Variants in PIEZO2 observed in about 807,000 individuals in gnomAD.
PIEZO2 encodes piezo-type mechanosensitive ion channel component 2.
A neutral mutation model predicts 337.3 loss-of-function variants in PIEZO2; 172 were observed. That is an observed-to-expected ratio of 0.51 (90% CI 0.45 to 0.58). PIEZO2 has a LOEUF of 0.58. PIEZO2 is among the 20% of genes least tolerant of loss of function. PIEZO2 has a pLI of 0.00. For synonymous variants in PIEZO2, 1,251 were observed against 1,228.5 expected, an observed-to-expected ratio of 1.02 and a Z score of -0.38; for missense variants, 3,028 against 3,391.3, an observed-to-expected ratio of 0.89 and a Z score of 2.66.
intron 3 of PIEZO2, among the ~76,000 whole-genome samples, chr18:10,925,338 C>T (rs1024295025): frequency 3.3e-5 from 5 of 152,104 alleles, no homozygotes; most frequent in African/African-American, 1.2e-4. Context: ...ATAAAACAGA[C>T]CCGCTAATTT....
At chr18:10,701,564 G>C (rs1444772897) in intron 43 of PIEZO2, among the ~76,000 whole-genome samples, 2 of 152,216 alleles carry the variant, frequency 1.3e-5, no homozygotes, top group African/African-American at 4.8e-5. Context: ...GGCAGAAGCT[G>C]GGATGGAGAT....
intron 27 of PIEZO2, among the ~76,000 whole-genome samples, chr18:10,756,592 A>G (rs1204205829): frequency 1.5e-5 from 2 of 136,884 alleles, no homozygotes; most frequent in African/African-American, 2.7e-5. Context: ...AGGATGAAAG[A>G]TGAGGAGGAG....
rs1405550353 is a variant in PIEZO2 at position 10,795,612 on chromosome 18, T to C, written c.1528-610A>G. On this transcript the variant is annotated intron_variant, in intron 12 of 55. Transcript: ENST00000674853. The surrounding 1 kb of genome is among the most constrained non-coding windows in gnomAD (Gnocchi z 4.4). ...AGCTGGCAATCCCCAAATTAGCCTC[T>C]TCAATTTTGTGGTGCTTTCTTTTTC... Among the ~76,000 whole-genome samples, 1 of 152,098 alleles carries C rather than the reference T, an allele frequency of 6.6e-6. No homozygotes were observed. The highest frequency in any genetic ancestry group is 1.5e-5 in the Non-Finnish European group (1 of 68,026).
intron 7 of PIEZO2, among the ~76,000 whole-genome samples, chr18:10,845,481 TTAA>T (rs944412959): frequency 1.3e-5 from 2 of 152,046 alleles, no homozygotes; most frequent in African/African-American, 4.8e-5. Context: ...ATGTAGCAGT[TTAA>T]TAATAATAAT....
chr18:10,742,918 T>C (rs1263708602), intron 31 of PIEZO2, among the ~76,000 whole-genome samples: 1 of 152,150 alleles, frequency 6.6e-6, no homozygotes, highest in Non-Finnish European at 1.5e-5. Flanking sequence ...CTATACTTGA[T>C]GTCCACTCAC....
rs150698199 is a variant in PIEZO2 at position 11,026,356 on chromosome 18, C to A, written c.160+39771G>T. The stretch of plus-strand genomic sequence containing the variant: ...TCTGCTGGCCTCTCTGCCTCGCCCC[C>A]ACCCTGCCTCAATCTCATCCACAGA... On this transcript the variant is annotated intron_variant, in intron 2 of 55. Coordinates refer to ENST00000674853, the MANE Select transcript of PIEZO2 (RefSeq NM_001378183.1). 5.3e-4 allele frequency among the ~76,000 whole-genome samples: 81 copies of A among 152,290 alleles called. No individual in the cohort carries two copies. The East Asian group carries it at 0.015, about 28-fold the overall frequency.
intron 1 of PIEZO2, among the ~76,000 whole-genome samples, chr18:11,142,020 C>T (rs2040664089): frequency 6.6e-6 from 1 of 152,144 alleles, no homozygotes; most frequent in Non-Finnish European, 1.5e-5. Context: ...ATATGTCCAT[C>T]CACAATATCC....
chr18:11,004,644 C>T (rs892726078), intron 2 of PIEZO2, among the ~76,000 whole-genome samples: 2 of 152,308 alleles, frequency 1.3e-5, no homozygotes, highest in Admixed American at 6.5e-5. Flanking sequence ...CTGTCAAAAT[C>T]AGAAGGGAGA....
At chr18:10,789,002 T>C in intron 15 of PIEZO2, 77 bp downstream of exon 15, 2 of 1,404,328 alleles carry the variant, frequency 1.4e-6, no homozygotes, top group South Asian at 3.0e-5. Flanking sequence ...TTCTAGTGAT[T>C]TAAAATCTCT....
chr18:10,700,449 C>T (rs1233030935), intron 43 of PIEZO2, among the ~76,000 whole-genome samples: 1 of 151,468 alleles, frequency 6.6e-6, no homozygotes, highest in Non-Finnish European at 1.5e-5. Context: ...ATGCCATTAC[C>T]TCAAATCTCA....
chr18:10,788,324 A>G (rs1214615066), intron 15 of PIEZO2, among the ~76,000 whole-genome samples: 1 of 151,474 alleles, frequency 6.6e-6, no homozygotes, highest in East Asian at 1.9e-4. Flanking sequence ...ATTCCTTGAA[A>G]CTGGGAGGCA....
intron 1 of PIEZO2, among the ~76,000 whole-genome samples, chr18:11,106,418 C>CTTTT (rs539595699): frequency 3.1e-5 from 4 of 129,598 alleles, no homozygotes; most frequent in Admixed American, 7.8e-5. Context: ...TTTCCTCTCT[C>CTTTT]TTTTTTTTTT....
intron 2 of PIEZO2, among the ~76,000 whole-genome samples, chr18:10,997,851 A>AT (rs1003069653): frequency 6.6e-6 from 1 of 151,992 alleles, no homozygotes; most frequent in Non-Finnish European, 1.5e-5. Flanking sequence ...TCAGAAAAAA[A>AT]TTTGGATAAT....
intron 3 of PIEZO2, among the ~76,000 whole-genome samples, chr18:10,963,269 GTGAGATGTTGTC>G (rs2033863475): frequency 6.6e-6 from 1 of 151,698 alleles, no homozygotes; most frequent in South Asian, 2.1e-4. Flanking sequence ...AGAGGACATG[GTGAGATGTTGTC>G]TCAAAAAAAA....
At chr18:10,869,430 A>G (rs2042086223) in intron 5 of PIEZO2, among the ~76,000 whole-genome samples, 1 of 152,202 alleles carries the variant, frequency 6.6e-6, no homozygotes, top group Admixed American at 6.6e-5. Flanking sequence ...ACAAACCTGC[A>G]CTTTCTGCGC....
rs530062408 is a variant in PIEZO2, at chr18:10,720,572, C to T, written c.5030-2313G>A. 9.4e-4 allele frequency among the ~76,000 whole-genome samples: 140 copies of T among 149,110 alleles called. 2 individuals carry two copies. The highest frequency in any genetic ancestry group is 1.6e-3 in the Non-Finnish European group (108 of 67,420). On this transcript the variant is annotated intron_variant, in intron 36 of 55. Transcript: ENST00000674853. ...TCCAGGGCCCAAGTGATCCTCCCTCCTCAGCCTCCCAAGTAGCTAGGACAA... is the reference window on the plus strand; with the variant it reads ...TCCAGGGCCCAAGTGATCCTCCCTCTTCAGCCTCCCAAGTAGCTAGGACAA...
rs2038382804 is a variant in PIEZO2 at position 10,766,892 on chromosome 18, A to G, written c.2946+3256T>C. Among the ~76,000 whole-genome samples the G allele has an allele frequency of 6.6e-6, 1 of 152,208 alleles. No individual in the cohort carries two copies. Among genetic ancestry groups the G allele is most frequent in the Admixed American group, 6.5e-5 (1 of 15,288 alleles). The stretch of plus-strand genomic sequence containing the variant: ...CTTAATAAAGGCTCAATGAATGCTT[A>G]GTGAGAGTGAAAATAATAACAATGA... On this transcript the variant is annotated intron_variant, in intron 21 of 55. Transcript: ENST00000674853. The surrounding 1 kb of genome is among the most constrained non-coding windows in gnomAD (Gnocchi z 6.1).
intron 39 of PIEZO2, chr18:10,709,328 A>G (rs1287908148): frequency 6.6e-6 from 1 of 152,272 alleles, no homozygotes; most frequent in Non-Finnish European, 1.5e-5. Context: ...GAGGAGGCAC[A>G]CAGAGGTGTG....
At position 10,795,458 on chromosome 18, in the gene PIEZO2, A is replaced by G. The variant is rs569896813; in HGVS notation, c.1528-456T>C. On this transcript the variant is annotated intron_variant, in intron 12 of 55. Coordinates refer to ENST00000674853, the MANE Select transcript of PIEZO2 (RefSeq NM_001378183.1). The surrounding 1 kb of genome is among the most constrained non-coding windows in gnomAD (Gnocchi z 4.4). ...AAGACCAAACTTATCTGGCTTAGAG[A>G]GAAAAAAAAATGGTATACTCCTGTG... 1.7e-4 allele frequency among the ~76,000 whole-genome samples: 26 copies of G among 151,324 alleles called. No individual in the cohort carries two copies. The highest frequency in any genetic ancestry group is 3.7e-4 in the Non-Finnish European group (25 of 67,958).
Sources: allele counts gnomAD v4.1 joint callset (sites outside exome capture counted in the v4.1 genomes callset), GRCh38; gene constraint gnomAD v4.1.1; non-coding constraint Gnocchi (gnomAD v3.1); transcripts MANE v1.5; gene names NCBI Gene and HGNC (gene_info 2026-07-23, HGNC 2026-07-21).